C6orf118: variants seen among roughly 807,000 people sequenced by gnomAD.
The protein encoded by C6orf118 is chromosome 6 open reading frame 118.
A neutral mutation model predicts 50.2 loss-of-function variants in C6orf118; 50 were observed. That is an observed-to-expected ratio of 1.00 (90% CI 0.79 to 1.26). C6orf118 has a LOEUF of 1.26. Among genes scored for constraint, C6orf118 ranks in the 50% most tolerant of loss-of-function variants. C6orf118 has a pLI of 0.00. For missense variants in C6orf118, 641 were observed against 578.7 expected, an observed-to-expected ratio of 1.11 and a Z score of -1.10; for synonymous variants, 239 against 230.9, an observed-to-expected ratio of 1.03 and a Z score of -0.32.
rs745953078 is a variant in C6orf118 at position 165,289,679 on chromosome 6, A to C, written c.1302+207T>G. 1.4e-4 allele frequency among the ~76,000 whole-genome samples: 21 copies of C among 152,092 alleles called. 1 individual carries two copies. Among genetic ancestry groups the C allele is most frequent in the Non-Finnish European group, 8.8e-5 (6 of 68,010 alleles). ...TTTGGCTATTAACAGAAATCTATAG[A>C]ATTTTTTTATCACTTTCCTTTTTTC... On this transcript the variant is annotated intron_variant, in intron 7 of 8. Coordinates refer to ENST00000230301, the MANE Select transcript of C6orf118 (RefSeq NM_144980.4).
chr6:165,300,069 TATTAGA>T, intron 3 of C6orf118, among the ~76,000 whole-genome samples: 1 of 152,318 alleles, frequency 6.6e-6, no homozygotes, highest in South Asian at 2.1e-4. Context: ...ATTATTAATT[TATTAGA>T]ATTATAATTA....
At chr6:165,294,277 AAAAAGTAAATAAAT>A (rs1562328731) in intron 5 of C6orf118, among the ~76,000 whole-genome samples, 8 of 142,878 alleles carry the variant, frequency 5.6e-5, no homozygotes, top group Admixed American at 2.7e-4. Flanking sequence ...ACAAAAAAAA[AAAAAGTAAATAAAT>A]AAGTAAATAA....
intron 7 of C6orf118, among the ~76,000 whole-genome samples, chr6:165,283,304 T>A (rs1779794599): frequency 1.3e-5 from 2 of 152,204 alleles, no homozygotes; most frequent in Admixed American, 1.3e-4. Context: ...CAGGAAACCA[T>A]GCTTTTTCCA....
At chr6:165,293,246 C>G in intron 6 of C6orf118, 167 bp downstream of exon 6, 1 of 705,388 alleles carries the variant, frequency 1.4e-6, no homozygotes, top group South Asian at 1.6e-5. Context: ...CGTGCCAGGC[C>G]CTGTGATCTT....
At chr6:165,290,776 C>T (rs1193083407) in intron 6 of C6orf118, among the ~76,000 whole-genome samples, 1 of 152,196 alleles carries the variant, frequency 6.6e-6, no homozygotes, top group African/African-American at 2.4e-5. Flanking sequence ...CTATGGCAAT[C>T]ATTCACACAG....
chr6:165,302,331 G>C (rs762367170), intron 1 of C6orf118, 35 bp from the exon 2 acceptor site: 4 of 1,591,492 alleles, frequency 2.5e-6, no homozygotes, highest in Non-Finnish European at 3.4e-6. Flanking sequence ...CTTAGGGATC[G>C]CTCTTAGTTC....
At chr6:165,290,188 C>T in intron 6 of C6orf118, 121 bp from the exon 7 acceptor site, 1 of 608,194 alleles carries the variant, frequency 1.6e-6, no homozygotes, top group Non-Finnish European at 2.6e-6. Flanking sequence ...AAATATAATT[C>T]AAACTCGAAG....
Position 165,279,935 on chromosome 6 carries a change from C to A in C6orf118, c.*122G>T. On this transcript the variant is annotated 3_prime_UTR_variant, in exon 9 of 9. Coordinates refer to ENST00000230301, the MANE Select transcript of C6orf118 (RefSeq NM_144980.4). The stretch of plus-strand genomic sequence containing the variant: ...GGATACATATACCACATTAATTTTA[C>A]TAGAGATTAAAGCTGATGAAATGAA... The A allele has an allele frequency of 3.0e-6, 3 of 984,096 alleles. No homozygotes were observed. The South Asian group carries it at 5.2e-5, about 17-fold the overall frequency. The allele number at this position is 984,096 out of a possible 1,614,324, so 61.0% of individuals were successfully genotyped here. A position where few individuals can be genotyped will look rare whatever the true frequency, so the allele number is the denominator to read the frequency against.
intron 7 of C6orf118, 52 bp from the exon 8 acceptor site, chr6:165,281,745 A>G: frequency 8.4e-7 from 1 of 1,189,186 alleles, no homozygotes; most frequent in Non-Finnish European, 1.1e-6. Context: ...AATATTTGTT[A>G]ATTATTTTTC....
At chr6:165,291,776 T>C (rs930990805) in intron 6 of C6orf118, among the ~76,000 whole-genome samples, 7 of 152,240 alleles carry the variant, frequency 4.6e-5, no homozygotes, top group Non-Finnish European at 1.0e-4. Flanking sequence ...AGTGATCCAC[T>C]GCTAAGGCCA....
At chr6:165,294,959 G>T (rs2128160353) in intron 5 of C6orf118, among the ~76,000 whole-genome samples, 1 of 152,242 alleles carries the variant, frequency 6.6e-6, no homozygotes, top group Middle Eastern at 3.4e-3. Context: ...TATGTAGTAA[G>T]AAAGTTTTAT....
chr6:165,298,952 T>C (rs186741945), intron 4 of C6orf118, among the ~76,000 whole-genome samples: 1 of 152,360 alleles, frequency 6.6e-6, no homozygotes, highest in African/African-American at 2.4e-5. Flanking sequence ...TTAGATTTTC[T>C]TAGGTTTTAT....
At position 165,281,681 on chromosome 6, in the gene C6orf118, G is replaced by T; in HGVS notation, c.1315C>A (p.Gln439Lys). ...RIKSIEHEAI[Q>K]LETENMILKK... ...AAAATCATATTTTCTGTTTCCAATT[G>T]TATAGCTTCATGCTGGAAGAGAAGT... Residue 439 changes from glutamine (Q) to lysine (K), a missense_variant, in exon 8 of 9, where the codon CAA becomes AAA. By Grantham distance (53) the Gln-to-Lys change is moderately conservative. Coordinates refer to ENST00000230301, the MANE Select transcript of C6orf118 (RefSeq NM_144980.4). 1 of 1,491,792 alleles carries T rather than the reference G, an allele frequency of 6.7e-7. No homozygotes were observed. The highest frequency in any genetic ancestry group is 9.0e-7 in the Non-Finnish European group (1 of 1,112,104). The allele number at this position is 1,491,792 out of a possible 1,614,324, so 92.4% of individuals were successfully genotyped here.
intron 4 of C6orf118, among the ~76,000 whole-genome samples, chr6:165,298,804 G>C (rs1245587500): frequency 6.6e-6 from 1 of 152,196 alleles, no homozygotes; most frequent in Non-Finnish European, 1.5e-5. Context: ...AACTAGAACT[G>C]ATCTCCTTGC....
intron 5 of C6orf118, among the ~76,000 whole-genome samples, chr6:165,297,514 G>T (rs1780353369): frequency 1.3e-5 from 2 of 151,564 alleles, no homozygotes; most frequent in Non-Finnish European, 1.5e-5. Flanking sequence ...CTTGTTTCAT[G>T]CTCTTGAAGA....
Position 165,301,729 on chromosome 6 carries a change from C to G in C6orf118, c.593G>C (p.Arg198Pro), listed in dbSNP as rs759679795. The G allele has an allele frequency of 1.2e-6, 2 of 1,614,004 alleles. No homozygotes were observed. The highest frequency in any genetic ancestry group is 2.2e-5 in the East Asian group (1 of 44,884). The change falls in exon 2 of 9, where the codon CGG (arginine) becomes CCG (proline). Residue 198 changes from arginine to proline, a missense_variant. Arg to Pro is a moderately radical substitution (Grantham distance 103). Coordinates refer to ENST00000230301, the MANE Select transcript of C6orf118 (RefSeq NM_144980.4). ...CAGGTAGGAGCTGACATAGTGGTGC[C>G]GGTCCCTGGTGCCTCTGGACCCGGC... Reference protein sequence around the residue: ...QEAGSRGTRDRHHYVSSYLAG... With the variant: ...QEAGSRGTRDPHHYVSSYLAG...
At chr6:165,300,602 G>A (rs2128162897) in intron 2 of C6orf118, 116 bp from the exon 3 acceptor site, 8 of 850,590 alleles carry the variant, frequency 9.4e-6, no homozygotes, top group Admixed American at 7.5e-5. Context: ...TGGGCGGGGC[G>A]GCACAGGGGG....
In C6orf118 at chr6:165,302,028, G is replaced by C. The variant is rs146166260; in HGVS notation, c.294C>G (p.Pro98=). The C allele has an allele frequency of 5.0e-6, 8 of 1,613,306 alleles. No homozygotes were observed. The highest frequency in any genetic ancestry group is 1.3e-5 in the African/African-American group (1 of 74,892). Reference sequence around the variant, plus strand: ...CCTTCATCCTCGCCACCTTCCCTGCGGGCGGCTCTCCCACCTCAGAGGCGC... The same window carrying C: ...CCTTCATCCTCGCCACCTTCCCTGCCGGCGGCTCTCCCACCTCAGAGGCGC... ...GERASEVGEP[P]AGKVARMKEA... The change falls in exon 2 of 9, where the codon CCC becomes CCG. Residue 98 remains proline (P), a synonymous_variant. Coordinates refer to ENST00000230301, the MANE Select transcript of C6orf118 (RefSeq NM_144980.4).
intron 6 of C6orf118, among the ~76,000 whole-genome samples, chr6:165,292,424 C>A (rs1780136770): frequency 6.6e-6 from 1 of 152,206 alleles, no homozygotes; most frequent in African/African-American, 2.4e-5. Flanking sequence ...ATTACTAGAG[C>A]TCTGGAAAGT....
Sources: gnomAD v4.1 joint callset for allele counts (sites outside exome capture counted in the v4.1 genomes callset) on GRCh38, gnomAD v4.1.1 for gene constraint, MANE v1.5 for transcripts, NCBI Gene and HGNC (gene_info 2026-07-23, HGNC 2026-07-21) for gene names.